Variants in AGMO observed in about 807,000 individuals in gnomAD.
AGMO encodes the protein alkylglycerol monooxygenase.
Under a neutral mutation model 60.2 loss-of-function variants are expected in AGMO, and 75 were observed. The observed-to-expected ratio is 1.25, with a 90% CI of 1.03 to 1.51. The LOEUF is 1.51. AGMO is among the 40% of genes most tolerant of loss of function. The pLI, the probability that AGMO is intolerant of heterozygous loss-of-function variation, is 0.00. For synonymous variants in AGMO, 261 were observed against 177.1 expected (o/e 1.47, Z -3.76); for missense variants, 763 against 525.5 (o/e 1.45, Z -4.42).
chr7:15,489,515 C>T (rs545868301), intron 3 of AGMO, among the ~76,000 whole-genome samples: 2 of 152,268 alleles, frequency 1.3e-5, no homozygotes, highest in South Asian at 2.1e-4. Context: ...CGGCCAGGAA[C>T]CTTCAGCCAG....
intron 12 of AGMO, among the ~76,000 whole-genome samples, chr7:15,235,175 C>A (rs1444902325): frequency 6.6e-6 from 1 of 151,982 alleles, no homozygotes; most frequent in Non-Finnish European, 1.5e-5. Context: ...GTGTTTTATC[C>A]AACATTTCTT....
intron 12 of AGMO, among the ~76,000 whole-genome samples, chr7:15,263,411 T>TA (rs34312726): frequency 0.84 from 126,660 of 151,376 alleles, 53,391 homozygotes; most frequent in African/African-American, 0.95. Context: ...ATGGGCATAA[T>TA]AAAAAAAATA....
chr7:15,360,007 A>G (rs1782687866), intron 12 of AGMO, among the ~76,000 whole-genome samples: 1 of 152,208 alleles, frequency 6.6e-6, no homozygotes, highest in South Asian at 2.1e-4. Context: ...CTCAGTAGTA[A>G]TTATAGGAGT....
At chr7:15,404,071 ATATT>A (rs1459933355) in intron 5 of AGMO, among the ~76,000 whole-genome samples, 2 of 152,040 alleles carry the variant, frequency 1.3e-5, no homozygotes, top group Non-Finnish European at 2.9e-5. Flanking sequence ...TGAAAAAACA[ATATT>A]TATAGTTTGG....
At chr7:15,553,459 A>C in intron 2 of AGMO, among the ~76,000 whole-genome samples, 1 of 152,152 alleles carries the variant, frequency 6.6e-6, no homozygotes, top group East Asian at 1.9e-4. Flanking sequence ...AGATTCAACC[A>C]TGGATTCAGG....
intron 12 of AGMO, among the ~76,000 whole-genome samples, chr7:15,357,416 G>A (rs898547825): frequency 5.3e-4 from 80 of 151,718 alleles, no homozygotes; most frequent in African/African-American, 1.9e-3. Flanking sequence ...ATGAACCCAA[G>A]TAATAAATAA....
chr7:15,140,361 ATATT>A, the AGMO span, among the ~76,000 whole-genome samples: 26 of 152,106 alleles, frequency 1.7e-4, no homozygotes, highest in Middle Eastern at 3.4e-3. Flanking sequence ...ATCTTTTAAG[ATATT>A]TATTTTTTCT....
intron 12 of AGMO, among the ~76,000 whole-genome samples, chr7:15,211,179 G>C (rs896444668): frequency 6.6e-6 from 1 of 151,960 alleles, no homozygotes; most frequent in Non-Finnish European, 1.5e-5. Context: ...GGGAGTATTA[G>C]CTTCCCTGAT....
rs35972659 is a variant in AGMO, at chr7:15,200,948, A to C, written c.*337T>G. On this transcript the variant is annotated 3_prime_UTR_variant, in exon 13 of 13. Coordinates refer to ENST00000342526, the MANE Select transcript of AGMO (RefSeq NM_001004320.2). ...AAACATCAAAGGAAACATTGTTTTCAAATTGATGTAAAGGCAATATTCCTT... is the reference window on the plus strand; with the variant it reads ...AAACATCAAAGGAAACATTGTTTTCCAATTGATGTAAAGGCAATATTCCTT... 0.25 allele frequency: 44,159 copies of C among 179,882 alleles called. 5,675 individuals are homozygous for C. The highest frequency in any genetic ancestry group is 0.27 in the Non-Finnish European group (23,640 of 87,010). 11.1% of individuals were successfully genotyped at this position (179,882 alleles called of 1,614,324 possible). A position where few individuals can be genotyped will look rare whatever the true frequency, so the allele number is the denominator to read the frequency against.
intron 12 of AGMO, among the ~76,000 whole-genome samples, chr7:15,347,775 G>A (rs1289666869): frequency 1.3e-5 from 2 of 151,986 alleles, no homozygotes; most frequent in Non-Finnish European, 2.9e-5. Flanking sequence ...ATAGACAAGT[G>A]TTGTATTTAG....
At chr7:15,354,103 G>A (rs148753755) in intron 12 of AGMO, among the ~76,000 whole-genome samples, 1 of 151,716 alleles carries the variant, frequency 6.6e-6, no homozygotes, top group African/African-American at 2.4e-5. Flanking sequence ...GAAAGAAAAA[G>A]TGACCATTTT....
chr7:15,272,869 C>T (rs1783659548), intron 12 of AGMO, among the ~76,000 whole-genome samples: 1 of 152,104 alleles, frequency 6.6e-6, no homozygotes, highest in Non-Finnish European at 1.5e-5. Context: ...TTTTGATTTG[C>T]ATTTCTCTGA....
intron 3 of AGMO, among the ~76,000 whole-genome samples, chr7:15,486,796 G>A (rs1782934461): frequency 6.6e-6 from 1 of 152,100 alleles, no homozygotes; most frequent in Non-Finnish European, 1.5e-5. Context: ...TCCATGAGTG[G>A]GGGAATACTT....
intron 12 of AGMO, among the ~76,000 whole-genome samples, chr7:15,347,445 AAAGT>A (rs1406850091): frequency 2.6e-5 from 4 of 152,106 alleles, no homozygotes; most frequent in Admixed American, 1.3e-4. Flanking sequence ...TCCATGATAG[AAAGT>A]TAGTTATTTA....
chr7:15,442,915 C>T (rs976593551), intron 3 of AGMO, among the ~76,000 whole-genome samples: 1 of 152,154 alleles, frequency 6.6e-6, no homozygotes, highest in African/African-American at 2.4e-5. Flanking sequence ...AGCACACCAA[C>T]AGATGCTAGC....
intron 3 of AGMO, among the ~76,000 whole-genome samples, chr7:15,453,239 T>G (rs1781901150): frequency 6.6e-6 from 1 of 151,966 alleles, no homozygotes. Flanking sequence ...TATATCTCAA[T>G]AAATTAAAAT....
chr7:15,383,871 GTT>G (rs1783799183), intron 10 of AGMO, among the ~76,000 whole-genome samples: 1 of 151,524 alleles, frequency 6.6e-6, no homozygotes, highest in Non-Finnish European at 1.5e-5. Context: ...TCTCTTCCAT[GTT>G]TTTAATCTGT....
Position 15,234,133 on chromosome 7 carries a change from T to C in AGMO, c.1264-32774A>G, listed in dbSNP as rs147697426. Among the ~76,000 whole-genome samples, 255 of 152,208 alleles carry C rather than the reference T, an allele frequency of 1.7e-3. 4 individuals are homozygous for C. Among genetic ancestry groups the C allele is most frequent in the Middle Eastern group, 0.01 (3 of 294 alleles). ...CTGAAACTTCACTACTGACTACAAC[T>C]TCCGAAAATGAGATTAAATATAGTC... On this transcript the variant is annotated intron_variant, in intron 12 of 12. Transcript: ENST00000342526.
At chr7:15,446,862 T>C (rs184331028) in intron 3 of AGMO, among the ~76,000 whole-genome samples, 5 of 152,310 alleles carry the variant, frequency 3.3e-5, no homozygotes, top group African/African-American at 1.2e-4. Context: ...TGCTAGGAAG[T>C]GCAAACTGTT....
Sources: allele counts gnomAD v4.1 joint callset (sites outside exome capture counted in the v4.1 genomes callset), GRCh38; gene constraint gnomAD v4.1.1; transcripts MANE v1.5; gene names NCBI Gene and HGNC (gene_info 2026-07-23, HGNC 2026-07-21).